GRID2: variants seen among roughly 807,000 people sequenced by gnomAD.
GRID2 encodes glutamate receptor ionotropic, delta-2.
GRID2 carries 33 observed loss-of-function variants against 114.8 expected under a neutral mutation model. The ratio of observed to expected loss-of-function variants is 0.29; its 90% CI spans 0.22 to 0.38. GRID2 has a LOEUF of 0.38. Among genes scored for constraint, GRID2 ranks in the 10% least tolerant of loss-of-function variants. The pLI is 1.00. For synonymous variants in GRID2, 505 were observed against 449.9 expected, an observed-to-expected ratio of 1.12 and a Z score of -1.55; for missense variants, 1,184 against 1,257.7, an observed-to-expected ratio of 0.94 and a Z score of 0.89.
At chr4:93,175,270 A>G (rs975610204) in intron 4 of GRID2, among the ~76,000 whole-genome samples, 3 of 152,128 alleles carry the variant, frequency 2.0e-5, no homozygotes, top group African/African-American at 7.2e-5. Flanking sequence ...TCTTGAGTTC[A>G]AACAATTCTC....
intron 1 of GRID2, among the ~76,000 whole-genome samples, chr4:92,326,960 A>T (rs1726629823): frequency 6.6e-6 from 1 of 151,836 alleles, no homozygotes; most frequent in Non-Finnish European, 1.5e-5. Flanking sequence ...ATTCTTTCCT[A>T]GAGCCCTCTC....
intron 2 of GRID2, among the ~76,000 whole-genome samples, chr4:92,947,192 A>G (rs186421279): frequency 3.4e-4 from 52 of 152,142 alleles, no homozygotes; most frequent in Non-Finnish European, 3.5e-4. Context: ...CATAAGTTCT[A>G]ACTCTAATTT....
chr4:93,437,811 C>T (rs564041834), intron 10 of GRID2, among the ~76,000 whole-genome samples: 1 of 152,180 alleles, frequency 6.6e-6, no homozygotes, highest in East Asian at 1.9e-4. Context: ...GCACTTTGTC[C>T]CATAAGGCTT....
At chr4:92,487,655 C>T (rs1722959495) in intron 1 of GRID2, among the ~76,000 whole-genome samples, 1 of 152,084 alleles carries the variant, frequency 6.6e-6, no homozygotes. Flanking sequence ...GTTTTCCCCA[C>T]CCTTGCTGGC....
chr4:93,472,923 G>A (rs2149437017), intron 11 of GRID2, among the ~76,000 whole-genome samples: 1 of 152,202 alleles, frequency 6.6e-6, no homozygotes, highest in Middle Eastern at 3.4e-3. Flanking sequence ...AAAAACAGAA[G>A]AAGGAATAGA....
rs1248471437 is a variant in GRID2 at position 93,590,940 on chromosome 4, T to C, written c.2194-35329T>C. ...GACTTTGCTGAAGTTGCTTATCAGCTTAAGGAGATTTTGGGCTGAGACGAT... is the reference window on the plus strand; with the variant it reads ...GACTTTGCTGAAGTTGCTTATCAGCCTAAGGAGATTTTGGGCTGAGACGAT... On this transcript the variant is annotated intron_variant, in intron 13 of 15. Coordinates refer to ENST00000282020, the MANE Select transcript of GRID2 (RefSeq NM_001510.4). Among the ~76,000 whole-genome samples the C allele has an allele frequency of 9.2e-5, 14 of 151,708 alleles. No individual in the cohort carries two copies. The East Asian group carries it at 2.7e-3, about 29-fold the overall frequency.
At chr4:93,351,805 G>A (rs1407948998) in intron 8 of GRID2, among the ~76,000 whole-genome samples, 1 of 152,066 alleles carries the variant, frequency 6.6e-6, no homozygotes, top group African/African-American at 2.4e-5. Flanking sequence ...AAGGATTAGA[G>A]CCAGATTTTA....
rs901269357 is a variant in GRID2, at chr4:93,241,043, T to C, written c.1245+2553T>C. On this transcript the variant is annotated intron_variant, in intron 8 of 15. Coordinates refer to ENST00000282020, the MANE Select transcript of GRID2 (RefSeq NM_001510.4). ...TTTGTGTCTTTCTTCTCTCAACATT[T>C]AAGGTACATTCTTATTTTCATGTGT... is the stretch of plus-strand genomic sequence containing the variant. 3.3e-5 allele frequency among the ~76,000 whole-genome samples: 5 copies of C among 151,810 alleles called. No homozygotes were observed. In the East Asian group the frequency reaches 9.7e-4, roughly 29 times the overall value.
At chr4:93,669,955 C>T (rs1724264258) in intron 14 of GRID2, among the ~76,000 whole-genome samples, 1 of 152,056 alleles carries the variant, frequency 6.6e-6, no homozygotes, top group South Asian at 2.1e-4. Flanking sequence ...AATTCCAATG[C>T]TATACCCTTG....
At chr4:92,382,346 T>TG (rs1729659714) in intron 1 of GRID2, among the ~76,000 whole-genome samples, 1 of 152,018 alleles carries the variant, frequency 6.6e-6, no homozygotes, top group South Asian at 2.1e-4. Flanking sequence ...ACAGCAGAGT[T>TG]CAGTATGGGA....
chr4:93,185,790 A>C (rs1180176252), intron 4 of GRID2, among the ~76,000 whole-genome samples: 1 of 152,174 alleles, frequency 6.6e-6, no homozygotes, highest in Non-Finnish European at 1.5e-5. Context: ...GTATATGTGC[A>C]CTACGTGCAG....
Position 92,590,219 on chromosome 4 carries a change from G to A in GRID2, c.177G>A (p.Gln59=), listed in dbSNP as rs145606176. Residue 59 remains glutamine (Q), a synonymous_variant, in exon 2 of 16, where the codon CAG becomes CAA. Transcript: ENST00000282020. ...TTAACCAGAATGAGGAGATCTTACA[G>A]ACTGAGAAAATCACATTTTCAGTGA... is the stretch of plus-strand genomic sequence containing the variant. ...GDLNQNEEIL[Q]TEKITFSVTF... The A allele has an allele frequency of 4.3e-4, 696 of 1,612,732 alleles. 1 individual carries two copies. The highest frequency in any genetic ancestry group is 5.1e-4 in the Non-Finnish European group (607 of 1,178,804).
In GRID2 at chr4:93,246,759, A is replaced by G. The variant is rs570012996; in HGVS notation, c.1245+8269A>G. On this transcript the variant is annotated intron_variant, in intron 8 of 15. Coordinates refer to ENST00000282020, the MANE Select transcript of GRID2 (RefSeq NM_001510.4). The stretch of plus-strand genomic sequence containing the variant: ...TGTCTTCAAGAAAATAGCTTGTACC[A>G]TAAAGTCATGAGATGGATATGCAGT... 2.6e-5 allele frequency among the ~76,000 whole-genome samples: 4 copies of G among 152,230 alleles called. No individual in the cohort carries two copies. In the South Asian group the frequency reaches 6.2e-4, roughly 24 times the overall value.
chr4:93,469,054 T>A (rs1485015), intron 11 of GRID2, among the ~76,000 whole-genome samples: 36,933 of 152,010 alleles, frequency 0.24, 5,499 homozygotes, highest in Non-Finnish European at 0.34. Context: ...GTTATCCATT[T>A]TGGAACACAT....
At chr4:92,894,446 G>T (rs2149473188) in intron 2 of GRID2, among the ~76,000 whole-genome samples, 1 of 152,094 alleles carries the variant, frequency 6.6e-6, no homozygotes, top group South Asian at 2.1e-4. Context: ...TAAGACAGGG[G>T]TTTTACATTT....
chr4:93,627,250 G>A (rs72889189), intron 14 of GRID2, among the ~76,000 whole-genome samples: 18,035 of 152,074 alleles, frequency 0.12, 1,111 homozygotes, highest in Middle Eastern at 0.14. Flanking sequence ...CTATTCTCTA[G>A]AATCTAATGA....
At chr4:92,382,510 A>G (rs1171535760) in intron 1 of GRID2, among the ~76,000 whole-genome samples, 2 of 152,052 alleles carry the variant, frequency 1.3e-5, no homozygotes, top group Non-Finnish European at 2.9e-5. Flanking sequence ...TGAAAAATGT[A>G]GGTGTATGGT....
At chr4:92,498,928 TA>T (rs11303897) in intron 1 of GRID2, among the ~76,000 whole-genome samples, 85,391 of 137,186 alleles carry the variant, frequency 0.62, 26,032 homozygotes, top group East Asian at 0.68. Flanking sequence ...CTTATTTAGG[TA>T]AAAAAAAAAA....
At chr4:92,664,847 C>A (rs962983124) in intron 2 of GRID2, among the ~76,000 whole-genome samples, 2 of 151,038 alleles carry the variant, frequency 1.3e-5, no homozygotes, top group Middle Eastern at 3.4e-3. Flanking sequence ...ATAGTTACTC[C>A]TGATCTCTTT....
Sources: gnomAD v4.1 joint callset for allele counts (sites outside exome capture counted in the v4.1 genomes callset) on GRCh38, gnomAD v4.1.1 for gene constraint, MANE v1.5 for transcripts, NCBI Gene and HGNC (gene_info 2026-07-23, HGNC 2026-07-21) for gene names.